The following ASB3 variants were observed in gnomAD, a reference collection of about 807,000 sequenced individuals.
ASB3 encodes ankyrin repeat and SOCS box containing 3.
A neutral mutation model predicts 54.5 loss-of-function variants in ASB3; 41 were observed. That is an observed-to-expected ratio of 0.75 (90% CI 0.59 to 0.98). ASB3 has a LOEUF of 0.98. Ranked by LOEUF, ASB3 falls within the 50% of genes least tolerant of loss-of-function variation. The probability of loss-of-function intolerance (pLI) is 0.00; values close to 1 mark genes in which losing one functional copy is unlikely to be tolerated. For missense variants in ASB3, 733 were observed against 620.0 expected, an observed-to-expected ratio of 1.18 and a Z score of -1.94; for synonymous variants, 266 against 221.2, an observed-to-expected ratio of 1.20 and a Z score of -1.80.
intron 3 of ASB3, among the ~76,000 whole-genome samples, chr2:53,735,260 C>T (rs1436240451): frequency 2.0e-5 from 3 of 152,010 alleles, no homozygotes; most frequent in Admixed American, 6.6e-5. Context: ...AATTCTGAAA[C>T]GTTACTGAGC....
chr2:53,774,496 G>A (rs772317458), intron 1 of ASB3: 4 of 1,566,812 alleles, frequency 2.6e-6, no homozygotes, highest in Non-Finnish European at 3.4e-6. Flanking sequence ...GGAACGTTTA[G>A]AAGGGAAACA....
At chr2:53,723,312 C>T (rs1324475276) in intron 5 of ASB3, among the ~76,000 whole-genome samples, 1 of 151,838 alleles carries the variant, frequency 6.6e-6, no homozygotes, top group Non-Finnish European at 1.5e-5. Flanking sequence ...TTATTTTTTC[C>T]CCTGTTAAAT....
intron 3 of ASB3, among the ~76,000 whole-genome samples, chr2:53,730,489 A>G (rs1671243260): frequency 6.6e-6 from 1 of 152,210 alleles, no homozygotes; most frequent in Non-Finnish European, 1.5e-5. Context: ...GTGATTGTGA[A>G]TGGTGCTGCA....
intron 1 of ASB3, chr2:53,767,778 C>G: frequency 7.1e-7 from 1 of 1,404,722 alleles, no homozygotes; most frequent in Non-Finnish European, 9.6e-7. Flanking sequence ...AAGTGGCCAT[C>G]GCGCCTGCGC....
intron 9 of ASB3, among the ~76,000 whole-genome samples, chr2:53,686,675 C>A (rs1377887691): frequency 1.3e-5 from 2 of 151,846 alleles, no homozygotes; most frequent in Non-Finnish European, 2.9e-5. Flanking sequence ...AAAAAAACAC[C>A]TCTGTTTACT....
intron 3 of ASB3, among the ~76,000 whole-genome samples, chr2:53,744,608 G>A (rs536397874): frequency 6.6e-6 from 1 of 151,950 alleles, no homozygotes; most frequent in South Asian, 2.1e-4. Flanking sequence ...GACAATCACT[G>A]AAGATTAATC....
At chr2:53,685,111 C>T (rs897296867) in intron 9 of ASB3, among the ~76,000 whole-genome samples, 2 of 152,140 alleles carry the variant, frequency 1.3e-5, no homozygotes, top group African/African-American at 4.8e-5. Context: ...AGAGTTTGTC[C>T]TTTACTCTGG....
chr2:53,729,584 G>A lies in ASB3; in HGVS notation c.356-14C>T, dbSNP rs749400075. 5 of 1,611,736 alleles carry A rather than the reference G, an allele frequency of 3.1e-6. No individual in the cohort carries two copies. The highest frequency in any genetic ancestry group is 2.2e-5 in the South Asian group (2 of 90,840). On this transcript the variant is annotated splice_polypyrimidine_tract_variant and intron_variant, in intron 3 of 9. Transcript: ENST00000263634. ...CATTTTCAACAGCTGTAATACAGCA[G>A]TTAGAAAAATTAATGTCAGCAAAAA...
intron 8 of ASB3, among the ~76,000 whole-genome samples, chr2:53,697,398 G>A (rs1669242669): frequency 6.6e-6 from 1 of 152,156 alleles, no homozygotes; most frequent in Non-Finnish European, 1.5e-5. Flanking sequence ...CTATGAAATA[G>A]CCATTCTTTT....
intron 9 of ASB3, among the ~76,000 whole-genome samples, chr2:53,691,559 T>A (rs1668911189): frequency 6.6e-6 from 1 of 151,848 alleles, no homozygotes; most frequent in Admixed American, 6.6e-5. Flanking sequence ...AATCAAAGAG[T>A]TGTCCTGCTG....
chr2:53,729,418 A>G (rs1392397939), intron 4 of ASB3, 40 bp downstream of exon 4: 1 of 1,603,636 alleles, frequency 6.2e-7, no homozygotes, highest in Non-Finnish European at 8.5e-7. Flanking sequence ...GGTAAAACAC[A>G]CAATTTACAT....
At chr2:53,751,035 T>C in intron 2 of ASB3, 94 bp from the exon 3 acceptor site, 2 of 1,344,478 alleles carry the variant, frequency 1.5e-6, no homozygotes, top group Non-Finnish European at 1.9e-6. Context: ...AATGAACTAT[T>C]AAAATGTAAG....
chr2:53,750,926 T>C lies in ASB3; in HGVS notation c.212A>G (p.Tyr71Cys), dbSNP rs760579801. 1.0e-5 allele frequency: 16 copies of C among 1,566,168 alleles called. 1 individual carries two copies. In the South Asian group the frequency reaches 1.3e-4, roughly 12 times the overall value. The change falls in exon 3 of 10, where the codon TAC becomes TGC. Residue 71 changes from tyrosine (Y) to cysteine (C), a missense_variant. Physicochemically the swap from Tyr to Cys is radical, Grantham distance 194 (BLOSUM62 -2). Transcript: ENST00000263634. ...ACCTTCAAAGGTCTTCATCTTAATG[T>C]AGTTTTCAGATGAATCTGTGGAAGA... ...MLINADSSENYIKMKTFEGFC... is the reference protein window; with the variant it reads ...MLINADSSENCIKMKTFEGFC...
At chr2:53,691,729 A>G (rs1668924514) in intron 9 of ASB3, among the ~76,000 whole-genome samples, 1 of 152,172 alleles carries the variant, frequency 6.6e-6, no homozygotes, top group Admixed American at 6.5e-5. Context: ...AGAGACCTGA[A>G]TTATAGAAAG....
chr2:53,705,392 C>A (rs1202980149), intron 7 of ASB3, among the ~76,000 whole-genome samples: 2 of 152,074 alleles, frequency 1.3e-5, no homozygotes, highest in African/African-American at 2.4e-5. Flanking sequence ...AAACAAAACA[C>A]ACAAAAAAAA....
At chr2:53,775,193 C>G (rs1010642088) in intron 1 of ASB3, 1 of 152,554 alleles carries the variant, frequency 6.6e-6, no homozygotes, top group African/African-American at 2.4e-5. Context: ...ATCATGATCA[C>G]TAATGATGTA....
chr2:53,757,848 AT>A (rs1672921851), intron 2 of ASB3, among the ~76,000 whole-genome samples: 1 of 152,154 alleles, frequency 6.6e-6, no homozygotes, highest in Admixed American at 6.5e-5. Context: ...TCCTCCCCTG[AT>A]TTTTACCCAG....
At chr2:53,774,199 G>C in intron 1 of ASB3, 2 of 1,613,682 alleles carry the variant, frequency 1.2e-6, no homozygotes, top group Non-Finnish European at 1.7e-6. Context: ...AGAAGTAAAA[G>C]CATACCTTGA....
chr2:53,727,433 C>T (rs959890236), intron 5 of ASB3, among the ~76,000 whole-genome samples: 1 of 151,940 alleles, frequency 6.6e-6, no homozygotes, highest in African/African-American at 2.4e-5. Flanking sequence ...GCAGGAGGAT[C>T]ACTTGAGGTT....
Sources: allele counts gnomAD v4.1 joint callset (sites outside exome capture counted in the v4.1 genomes callset), GRCh38; gene constraint gnomAD v4.1.1; transcripts MANE v1.5; gene names NCBI Gene and HGNC (gene_info 2026-07-23, HGNC 2026-07-21).